The following CCDC88C variants were observed in gnomAD, a reference collection of about 807,000 sequenced individuals.
CCDC88C encodes coiled-coil and HOOK domain protein 88C.
Under a neutral mutation model 198.8 loss-of-function variants are expected in CCDC88C, and 131 were observed. The ratio of observed to expected loss-of-function variants is 0.66; its 90% confidence interval spans 0.57 to 0.76. The LOEUF (loss-of-function observed/expected upper bound fraction) is 0.76. Ranked by LOEUF, CCDC88C falls within the 30% of genes least tolerant of loss-of-function variation. The pLI is 0.00. For synonymous variants in CCDC88C, 1,166 were observed against 1,114.7 expected (o/e 1.05, Z -0.92); for missense variants, 2,553 against 2,631.6 (o/e 0.97, Z 0.65).
chr14:91,414,331 C>T (rs1017369909), intron 2 of CCDC88C, among the ~76,000 whole-genome samples: 3 of 152,196 alleles, frequency 2.0e-5, no homozygotes, highest in African/African-American at 7.2e-5. Flanking sequence ...CACTGAGCGA[C>T]ATGCCCAGTG....
intron 3 of CCDC88C, among the ~76,000 whole-genome samples, chr14:91,393,381 G>A (rs1480271561): frequency 2.0e-5 from 3 of 152,180 alleles, no homozygotes; most frequent in African/African-American, 7.2e-5. Flanking sequence ...ATGAGGCAGA[G>A]GCAACCTGAG....
At chr14:91,384,437 C>G in intron 3 of CCDC88C, 1 of 523,024 alleles carries the variant, frequency 1.9e-6, no homozygotes, top group Non-Finnish European at 3.9e-6. Flanking sequence ...TGCTTGCACT[C>G]TGTTGGGTTT....
At position 91,338,129 on chromosome 14, in the gene CCDC88C, C is replaced by T. The variant is rs756948941; in HGVS notation, c.926G>A (p.Arg309His). 15 of 1,613,788 alleles carry T rather than the reference C, an allele frequency of 9.3e-6. No homozygotes were observed. The highest frequency in any genetic ancestry group is 1.1e-5 in the Non-Finnish European group (13 of 1,179,902). Residue 309 changes from arginine (R) to histidine (H), a missense_variant, in exon 10 of 30, where the codon CGT (arginine) becomes CAT (histidine). Around this residue, in one of 2 missense-constraint regions of CCDC88C, gnomAD observed 1,260 missense variants for 1,412.0 expected, o/e 0.89. Transcript: ENST00000389857. This position sits in a 1 kb window ranked among gnomAD's most constrained non-coding sequence, Gnocchi z 4.8. ...GGAATCCAGCTCGTCTCGATAGGCA[C>T]GAGCAGACCGGGCGTCTGCCGCTAG... is the stretch of plus-strand genomic sequence containing the variant. ...IQLAADARSA[R>H]AYRDELDSLR...
At chr14:91,407,067 C>T (rs912034003) in intron 3 of CCDC88C, among the ~76,000 whole-genome samples, 1 of 151,834 alleles carries the variant, frequency 6.6e-6, no homozygotes, top group Admixed American at 6.6e-5. Flanking sequence ...CTGGCCCACA[C>T]AGGCAAACTA....
intron 10 of CCDC88C, among the ~76,000 whole-genome samples, chr14:91,331,354 C>T (rs1460569929): frequency 6.6e-6 from 1 of 152,160 alleles, no homozygotes; most frequent in East Asian, 1.9e-4. Context: ...TGACTGAGAC[C>T]TCTGAGAGCT....
At chr14:91,382,211 T>C (rs1884843696) in intron 3 of CCDC88C, among the ~76,000 whole-genome samples, 1 of 152,140 alleles carries the variant, frequency 6.6e-6, no homozygotes, top group South Asian at 2.1e-4. Flanking sequence ...ACATCACTAA[T>C]TGATGAAGCA....
At chr14:91,279,110 G>T in intron 28 of CCDC88C, 128 bp downstream of exon 28, 1 of 733,054 alleles carries the variant, frequency 1.4e-6, no homozygotes, top group Non-Finnish European at 2.3e-6. Flanking sequence ...ATGTTTCCCA[G>T]GCTGGTTTCT....
At chr14:91,345,011 CT>C (rs1026837743) in intron 4 of CCDC88C, among the ~76,000 whole-genome samples, 4 of 151,186 alleles carry the variant, frequency 2.6e-5, no homozygotes, top group African/African-American at 9.7e-5. Flanking sequence ...CCAGGTTGGT[CT>C]TGAACTCCTG....
intron 3 of CCDC88C, among the ~76,000 whole-genome samples, chr14:91,368,633 G>A (rs1452549103): frequency 1.3e-5 from 2 of 152,194 alleles, no homozygotes; most frequent in African/African-American, 2.4e-5. Flanking sequence ...ACCCTGCATC[G>A]ATTTAACACT....
Position 91,289,297 on chromosome 14 carries a change from G to A in CCDC88C, c.4249C>T (p.Pro1417Ser), listed in dbSNP as rs769600213. Residue 1417 changes from proline (P) to serine (S), a missense_variant, in exon 25 of 30, where the codon CCA becomes TCA. Pro to Ser is a moderately conservative substitution (Grantham distance 74). Coordinates refer to ENST00000389857, the MANE Select transcript of CCDC88C (RefSeq NM_001080414.4). ...GAKALVKLIKPKKEGSRERLK... is the reference protein window; with the variant it reads ...GAKALVKLIKSKKEGSRERLK... ...CGTTCCCTCGAACCCTCTTTCTTTG[G>A]TTTGATGAGTTTGACTAAGGCTTTG... The A allele has an allele frequency of 2.5e-6, 4 of 1,613,922 alleles. No homozygotes were observed. In the East Asian group the frequency reaches 8.9e-5, roughly 36 times the overall value.
chr14:91,307,344 C>T, intron 17 of CCDC88C, 118 bp from the exon 18 acceptor site: 2 of 861,142 alleles, frequency 2.3e-6, no homozygotes, highest in South Asian at 1.5e-5. Context: ...ACTCGCCCGC[C>T]CTGGTCTGTG....
Position 91,381,957 on chromosome 14 carries a change from C to G in CCDC88C, c.271-22246G>C, listed in dbSNP as rs560847467. 6.6e-6 allele frequency among the ~76,000 whole-genome samples: 1 copy of G among 152,294 alleles called. No individual in the cohort carries two copies. Among genetic ancestry groups the G allele is most frequent in the East Asian group, 1.9e-4 (1 of 5,192 alleles). On this transcript the variant is annotated intron_variant, in intron 3 of 29. Transcript: ENST00000389857. This position sits in a 1 kb window ranked among gnomAD's most constrained non-coding sequence, Gnocchi z 4.2. The stretch of plus-strand genomic sequence containing the variant: ...ATTTTCTGAACAGCCCATTTTATCA[C>G]GACATCTTGTCTTCATTGTTTCACA...
At position 91,416,764 on chromosome 14, in the gene CCDC88C, G is replaced by C. The variant is rs1887080037; in HGVS notation, c.135C>G (p.Ile45Met). The change falls in exon 2 of 30, where the codon ATC becomes ATG. Residue 45 changes from isoleucine (I) to methionine (M), a missense_variant. This residue lies in a region of CCDC88C where 1,260 missense variants were observed against 1,412.0 expected (regional missense o/e 0.89). Transcript: ENST00000389857. The stretch of plus-strand genomic sequence containing the variant: ...TTTGCAGCATAATTTGGTTCAAAAA[G>C]ATGCCGTCCACTAAATCCATGTACA... ...LTMYMDLVDGIFLNQIMLQID... is the reference protein window; with the variant it reads ...LTMYMDLVDGMFLNQIMLQID... 4 of 1,613,200 alleles carry C rather than the reference G, an allele frequency of 2.5e-6. No individual in the cohort carries two copies. Among genetic ancestry groups the C allele is most frequent in the Non-Finnish European group, 1.7e-6 (2 of 1,179,508 alleles).
In CCDC88C at chr14:91,273,381, C is replaced by T. The variant is rs759310053; in HGVS notation, c.5331G>A (p.Leu1777=). ...GAGCCTGCCGGGGTCTGCCCAGAGA[C>T]AGGCTCTGGGGAGGCTGGGCCTGTC... ...APRQAQPPQS[L]SLGRPRQAPV... is the part of the protein sequence containing the mutation. Residue 1777 remains leucine, a synonymous_variant, in exon 30 of 30, where the codon CTG becomes CTA. Transcript: ENST00000389857. This position sits in a 1 kb window ranked among gnomAD's most constrained non-coding sequence, Gnocchi z 5.6. 6.5e-7 allele frequency: 1 copy of T among 1,533,514 alleles called. No individual in the cohort carries two copies. The highest frequency in any genetic ancestry group is 1.4e-5 in the African/African-American group (1 of 72,638). The allele number at this position is 1,533,514 out of a possible 1,614,324, so 95.0% of individuals were successfully genotyped here.
intron 3 of CCDC88C, among the ~76,000 whole-genome samples, chr14:91,374,249 G>C (rs180770309): frequency 7.2e-4 from 110 of 152,318 alleles, no homozygotes; most frequent in Non-Finnish European, 1.4e-3. Flanking sequence ...GCATAAACCA[G>C]GAGCTTGGCT....
At chr14:91,286,698 G>A (rs1177442984) in intron 25 of CCDC88C, among the ~76,000 whole-genome samples, 1 of 152,214 alleles carries the variant, frequency 6.6e-6, no homozygotes, top group African/African-American at 2.4e-5. Flanking sequence ...TGTCCTTGTG[G>A]CCAGTTCAGG....
chr14:91,285,611 G>T, intron 25 of CCDC88C: 2 of 1,244,024 alleles, frequency 1.6e-6, no homozygotes, highest in Admixed American at 2.9e-5. Flanking sequence ...TTTTTTGTTT[G>T]TTTGAATTTC....
chr14:91,272,754 G>A lies in CCDC88C; in HGVS notation c.5958C>T (p.Pro1986=), dbSNP rs376209925. 45 of 1,608,854 alleles carry A rather than the reference G, an allele frequency of 2.8e-5. No homozygotes were observed. The highest frequency in any genetic ancestry group is 3.3e-4 in the Middle Eastern group (2 of 5,990). ...CCCGGCCGAGGTGGGGAGCCAAATC[G>A]GGAGACCGACCTGGGCTCTTGGCCG... ...GLPAKSPGRS[P]DLAPHLGRAL... is the part of the protein sequence containing the mutation. Residue 1986 remains proline, a synonymous_variant, in exon 30 of 30, where the codon CCC becomes CCT. Transcript: ENST00000389857.
At chr14:91,392,426 G>A (rs1234014591) in intron 3 of CCDC88C, among the ~76,000 whole-genome samples, 2 of 152,152 alleles carry the variant, frequency 1.3e-5, no homozygotes, top group Non-Finnish European at 2.9e-5. Context: ...AGGGCTAGAG[G>A]AGGAGAACCT....
Sources: allele counts gnomAD v4.1 joint callset (sites outside exome capture counted in the v4.1 genomes callset), GRCh38; gene constraint gnomAD v4.1.1; regional missense constraint gnomAD v4.1.1; non-coding constraint Gnocchi (gnomAD v3.1); transcripts MANE v1.5; gene names NCBI Gene and HGNC (gene_info 2026-07-23, HGNC 2026-07-21).